Variants in PCDH9 observed in about 807,000 individuals in gnomAD.
The protein encoded by PCDH9 is protocadherin-9.
A neutral mutation model predicts 70.6 loss-of-function variants in PCDH9; 24 were observed. That is an observed-to-expected ratio of 0.34 (90% CI 0.25 to 0.48). PCDH9 has a LOEUF of 0.48. PCDH9 is among the 20% of genes least tolerant of loss of function. PCDH9 has a pLI of 0.99. For missense variants in PCDH9, 1,281 were observed against 1,503.6 expected, an observed-to-expected ratio of 0.85 and a Z score of 2.45; for synonymous variants, 562 against 558.5, an observed-to-expected ratio of 1.01 and a Z score of -0.09.
At chr13:66,894,728 TA>T (rs1225254250) in intron 3 of PCDH9, among the ~76,000 whole-genome samples, 1 of 152,200 alleles carries the variant, frequency 6.6e-6, no homozygotes, top group East Asian at 1.9e-4. Context: ...AAGTCTATTT[TA>T]AGTTTAAAAT....
chr13:66,625,907 G>T (rs1007093513), intron 4 of PCDH9, among the ~76,000 whole-genome samples: 6 of 151,968 alleles, frequency 3.9e-5, no homozygotes, highest in African/African-American at 1.5e-4. Context: ...CAAATGATCT[G>T]TCCTCCTCAG....
chr13:67,160,436 A>C (rs1206988262), intron 2 of PCDH9, among the ~76,000 whole-genome samples: 1 of 152,064 alleles, frequency 6.6e-6, no homozygotes, highest in African/African-American at 2.4e-5. Flanking sequence ...AGTCCCAGCT[A>C]TTCGGGAGAC....
intron 2 of PCDH9, among the ~76,000 whole-genome samples, chr13:67,121,872 GTTTGT>G (rs1451144575): frequency 1.3e-5 from 2 of 151,954 alleles, no homozygotes; most frequent in Non-Finnish European, 2.9e-5. Flanking sequence ...CTAGATTTTT[GTTTGT>G]TTTGTTGTTT....
Position 67,226,526 on chromosome 13 carries a change from T to A in PCDH9, c.1915A>T (p.Ser639Cys), listed in dbSNP as rs2089875587. The A allele has an allele frequency of 6.2e-7, 1 of 1,613,952 alleles. No homozygotes were observed. Among genetic ancestry groups the A allele is most frequent in the African/African-American group, 1.3e-5 (1 of 74,932 alleles). Residue 639 changes from serine to cysteine, a missense_variant, in exon 2 of 5, where the codon AGT (serine) becomes TGT (cysteine). Transcript: ENST00000377865. The surrounding 1 kb of genome is among the most constrained non-coding windows in gnomAD (Gnocchi z 5.0). Reference sequence around the variant, plus strand: ...GCTTTGACATCAAAAGTGTAGGAACTCTGCTGCTCTCTATCAAATGAGACA... The same window carrying A: ...GCTTTGACATCAAAAGTGTAGGAACACTGCTGCTCTCTATCAAATGAGACA... ...SNVSFDREQQ[S>C]SYTFDVKATD...
chr13:66,786,310 A>G (rs1225341311), intron 3 of PCDH9, among the ~76,000 whole-genome samples: 9 of 152,188 alleles, frequency 5.9e-5, no homozygotes, highest in Non-Finnish European at 1.2e-4. Flanking sequence ...CATTGCCCTG[A>G]TGACCACCTC....
At chr13:66,567,472 C>T (rs1384664689) in intron 4 of PCDH9, among the ~76,000 whole-genome samples, 1 of 152,098 alleles carries the variant, frequency 6.6e-6, no homozygotes, top group East Asian at 1.9e-4. Flanking sequence ...TCAATGTGTT[C>T]CATATTTACA....
At chr13:66,559,834 A>G (rs1265499210) in intron 4 of PCDH9, among the ~76,000 whole-genome samples, 5 of 22,710 alleles carry the variant, frequency 2.2e-4, no homozygotes, top group African/African-American at 6.2e-4. Context: ...ATATATATAT[A>G]CACACACACA....
intron 3 of PCDH9, among the ~76,000 whole-genome samples, chr13:66,691,368 T>C (rs1213533614): frequency 6.6e-6 from 1 of 152,290 alleles, no homozygotes; most frequent in Non-Finnish European, 1.5e-5. Flanking sequence ...TAAAGTGCTA[T>C]GTACTTCCAT....
chr13:66,602,357 C>G (rs1246050157), intron 4 of PCDH9, among the ~76,000 whole-genome samples: 2 of 146,154 alleles, frequency 1.4e-5, no homozygotes, highest in South Asian at 4.4e-4. Context: ...TAGGAGATAA[C>G]AGCTCCATAC....
chr13:66,528,551 T>A (rs967990302), intron 4 of PCDH9, among the ~76,000 whole-genome samples: 2 of 152,124 alleles, frequency 1.3e-5, no homozygotes, highest in Non-Finnish European at 2.9e-5. Flanking sequence ...AAGGAAACAA[T>A]CTTTCTTCAT....
chr13:66,454,814 T>C (rs1337484033), intron 4 of PCDH9, among the ~76,000 whole-genome samples: 2 of 152,146 alleles, frequency 1.3e-5, no homozygotes, highest in African/African-American at 2.4e-5. Context: ...TTGTAAAAAT[T>C]ACTAAATTTC....
intron 2 of PCDH9, among the ~76,000 whole-genome samples, chr13:67,191,292 T>C (rs1415552984): frequency 6.6e-6 from 1 of 152,180 alleles, no homozygotes; most frequent in African/African-American, 2.4e-5. Flanking sequence ...AGAATGTACA[T>C]TCCTCGAAAA....
At chr13:66,876,405 A>T (rs2081811453) in intron 3 of PCDH9, among the ~76,000 whole-genome samples, 1 of 151,818 alleles carries the variant, frequency 6.6e-6, no homozygotes, top group Admixed American at 6.6e-5. Flanking sequence ...GTAAAAAAAA[A>T]TACAAAACAT....
intron 4 of PCDH9, among the ~76,000 whole-genome samples, chr13:66,509,732 C>G (rs1218466923): frequency 1.3e-5 from 2 of 152,160 alleles, no homozygotes; most frequent in African/African-American, 4.8e-5. Context: ...GGACTGCAAT[C>G]ATGAGCCACC....
At chr13:66,516,798 T>C (rs1959758521) in intron 4 of PCDH9, among the ~76,000 whole-genome samples, 1 of 152,046 alleles carries the variant, frequency 6.6e-6, no homozygotes, top group East Asian at 1.9e-4. Flanking sequence ...TTATCTATGC[T>C]GAACATAATC....
chr13:67,027,195 T>C (rs572379777), intron 2 of PCDH9, among the ~76,000 whole-genome samples: 3 of 152,204 alleles, frequency 2.0e-5, no homozygotes, highest in East Asian at 1.9e-4. Flanking sequence ...CAAAACAGCA[T>C]GGTACTGGTA....
intron 4 of PCDH9, among the ~76,000 whole-genome samples, chr13:66,382,008 C>G (rs1956857499): frequency 6.6e-6 from 1 of 151,750 alleles, no homozygotes; most frequent in African/African-American, 2.4e-5. Context: ...AAACCTGTGA[C>G]TTGGCATAGA....
At chr13:67,154,984 G>A (rs1042670584) in intron 2 of PCDH9, among the ~76,000 whole-genome samples, 8 of 152,106 alleles carry the variant, frequency 5.3e-5, no homozygotes, top group South Asian at 2.1e-4. Flanking sequence ...TGGGTGGCAT[G>A]AGCCTGGCCT....
chr13:66,341,026 T>G (rs1438049225), intron 4 of PCDH9, among the ~76,000 whole-genome samples: 1 of 152,202 alleles, frequency 6.6e-6, no homozygotes, highest in Non-Finnish European at 1.5e-5. Context: ...AAAATTCAGG[T>G]ACTATGAAAT....
Sources: gnomAD v4.1 joint callset for allele counts (sites outside exome capture counted in the v4.1 genomes callset) on GRCh38, gnomAD v4.1.1 for gene constraint, Gnocchi (gnomAD v3.1) non-coding constraint, MANE v1.5 for transcripts, NCBI Gene and HGNC (gene_info 2026-07-23, HGNC 2026-07-21) for gene names.